STXBP6: variants seen among roughly 807,000 people sequenced by gnomAD.
STXBP6 encodes the protein syntaxin-binding protein 6.
In STXBP6, 21 loss-of-function variants were observed where a neutral mutation model predicts 26.9. The ratio of observed to expected loss-of-function variants is 0.78; its 90% CI spans 0.55 to 1.12. The LOEUF is 1.12. STXBP6 is among the 50% of genes most tolerant of loss of function. The pLI, the probability that STXBP6 is intolerant of heterozygous loss-of-function variation, is 0.00. For missense variants in STXBP6, 232 were observed against 257.9 expected (o/e 0.90, Z 0.69); for synonymous variants, 97 against 92.6 (o/e 1.05, Z -0.27).
chr14:24,965,842 G>A (rs1005127904), intron 2 of STXBP6, among the ~76,000 whole-genome samples: 6 of 152,156 alleles, frequency 3.9e-5, no homozygotes, highest in African/African-American at 1.4e-4. Context: ...ACAGAAAGGT[G>A]CACTAATTTC....
At chr14:25,021,406 A>G (rs1309670263) in intron 1 of STXBP6, among the ~76,000 whole-genome samples, 1 of 151,750 alleles carries the variant, frequency 6.6e-6, no homozygotes, top group Non-Finnish European at 1.5e-5. Flanking sequence ...AAGCACTCCA[A>G]CTCTGCCTCA....
chr14:25,031,529 CCT>C (rs1275693588), intron 1 of STXBP6, among the ~76,000 whole-genome samples: 2 of 152,122 alleles, frequency 1.3e-5, no homozygotes, highest in African/African-American at 4.8e-5. Flanking sequence ...ACAGACTACT[CCT>C]CTGTTTCAAC....
chr14:24,879,043 T>C (rs1463303653), intron 2 of STXBP6, among the ~76,000 whole-genome samples: 2 of 152,036 alleles, frequency 1.3e-5, no homozygotes, highest in Admixed American at 6.6e-5. Context: ...AAAAAATACA[T>C]GAATTCTAAG....
chr14:24,914,682 C>T (rs148892752), intron 2 of STXBP6, among the ~76,000 whole-genome samples: 10 of 152,276 alleles, frequency 6.6e-5, no homozygotes, highest in African/African-American at 1.9e-4. Flanking sequence ...CTAAGCTATC[C>T]GTTGTCATGA....
chr14:25,036,055 A>G (rs1266869954), intron 1 of STXBP6, among the ~76,000 whole-genome samples: 1 of 151,642 alleles, frequency 6.6e-6, no homozygotes, highest in Non-Finnish European at 1.5e-5. Flanking sequence ...CCGTCTCTAC[A>G]AAAAATACAA....
chr14:24,946,266 A>G (rs891544426), intron 2 of STXBP6, among the ~76,000 whole-genome samples: 1 of 152,216 alleles, frequency 6.6e-6, no homozygotes, highest in Non-Finnish European at 1.5e-5. Flanking sequence ...CAAAGTAAAT[A>G]TAACAGTACT....
At chr14:24,839,493 C>T (rs766669) in intron 4 of STXBP6, among the ~76,000 whole-genome samples, 92,058 of 150,256 alleles carry the variant, frequency 0.61, 28,211 homozygotes, top group South Asian at 0.8. Flanking sequence ...AGCAACAGGA[C>T]ATTATACCCT....
At chr14:24,923,282 T>C (rs1391491177) in intron 2 of STXBP6, among the ~76,000 whole-genome samples, 2 of 152,208 alleles carry the variant, frequency 1.3e-5, no homozygotes, top group African/African-American at 2.4e-5. Flanking sequence ...GTTTTGTTCA[T>C]TAAGTTTGTG....
At chr14:24,860,109 ATC>A (rs1281448335) in intron 2 of STXBP6, among the ~76,000 whole-genome samples, 1 of 152,184 alleles carries the variant, frequency 6.6e-6, no homozygotes, top group African/African-American at 2.4e-5. Flanking sequence ...GTGGAGTAAC[ATC>A]TCTGTCTCAT....
intron 2 of STXBP6, among the ~76,000 whole-genome samples, chr14:24,893,636 T>G (rs185305300): frequency 6.6e-6 from 1 of 152,288 alleles, no homozygotes; most frequent in African/African-American, 2.4e-5. Flanking sequence ...TTGTGAATAA[T>G]CCCTAACACA....
chr14:24,849,652 C>G (rs547476595), intron 4 of STXBP6, among the ~76,000 whole-genome samples: 127 of 152,084 alleles, frequency 8.4e-4, no homozygotes, highest in Admixed American at 1.5e-3. Flanking sequence ...AAAATAGTCA[C>G]TGGAGGAACT....
intron 4 of STXBP6, among the ~76,000 whole-genome samples, chr14:24,833,199 G>A (rs998701620): frequency 6.6e-6 from 1 of 152,154 alleles, no homozygotes; most frequent in Non-Finnish European, 1.5e-5. Context: ...AAGGATATGA[G>A]CATGGCACCT....
intron 2 of STXBP6, among the ~76,000 whole-genome samples, chr14:24,971,023 TC>T (rs2073890806): frequency 1.3e-5 from 2 of 152,200 alleles, no homozygotes; most frequent in Admixed American, 6.5e-5. Context: ...AACACTCAAA[TC>T]CTATCCCAAG....
At position 25,014,848 on chromosome 14, in the gene STXBP6, CT is replaced by C. The variant is rs369597140; in HGVS notation, c.-33+35029del. 3.3e-4 allele frequency among the ~76,000 whole-genome samples: 50 copies of C among 152,204 alleles called. 1 individual carries two copies. Among genetic ancestry groups the C allele is most frequent in the African/African-American group, 1.2e-3 (48 of 41,550 alleles). On this transcript the variant is annotated intron_variant, in intron 1 of 5. Transcript: ENST00000323944. The stretch of plus-strand genomic sequence containing the variant: ...AAAAAGAAAATACATGAAAACAGTA[CT>C]TTTTTTTCTCTTGGATATAGGGAAT...
At chr14:24,909,542 A>C (rs1411630370) in intron 2 of STXBP6, among the ~76,000 whole-genome samples, 1 of 152,028 alleles carries the variant, frequency 6.6e-6, no homozygotes, top group Admixed American at 6.6e-5. Flanking sequence ...GCACTGTAGG[A>C]AGGCAAGGCA....
chr14:24,967,984 A>G (rs1180292526), intron 2 of STXBP6, among the ~76,000 whole-genome samples: 1 of 152,156 alleles, frequency 6.6e-6, no homozygotes, highest in Non-Finnish European at 1.5e-5. Context: ...CCGGCAGATC[A>G]TGACCTCTGA....
intron 4 of STXBP6, among the ~76,000 whole-genome samples, chr14:24,843,751 C>T (rs561766744): frequency 6.6e-6 from 1 of 152,284 alleles, no homozygotes; most frequent in African/African-American, 2.4e-5. Context: ...CATCATACCA[C>T]ATCCTACCAG....
At chr14:24,820,056 G>A (rs1213465188) in intron 4 of STXBP6, among the ~76,000 whole-genome samples, 1 of 152,194 alleles carries the variant, frequency 6.6e-6, no homozygotes. Context: ...ATTCAATAGT[G>A]AAGAACTTGC....
At chr14:24,941,334 G>A (rs2072795856) in intron 2 of STXBP6, among the ~76,000 whole-genome samples, 1 of 152,192 alleles carries the variant, frequency 6.6e-6, no homozygotes, top group Non-Finnish European at 1.5e-5. Flanking sequence ...AGGACACAAT[G>A]GGAGTGCAGA....
Sources: allele counts gnomAD v4.1 joint callset (sites outside exome capture counted in the v4.1 genomes callset), GRCh38; gene constraint gnomAD v4.1.1; transcripts MANE v1.5; gene names NCBI Gene and HGNC (gene_info 2026-07-23, HGNC 2026-07-21).